The following GPR55 variants were observed in gnomAD, a reference collection of about 807,000 sequenced individuals.
The protein encoded by GPR55 is G-protein coupled receptor 55.
In GPR55, 6 loss-of-function variants were observed where a neutral mutation model predicts 7.9. The observed-to-expected ratio is 0.76, with a 90% CI of 0.41 to 1.49. The LOEUF is 1.49. Ranked by LOEUF, GPR55 falls within the 40% of genes most tolerant of loss-of-function variation. The pLI is 0.01. For synonymous variants in GPR55, 183 were observed against 166.8 expected (o/e 1.10, Z -0.75); for missense variants, 376 against 406.0 (o/e 0.93, Z 0.63).
Position 230,909,265 on chromosome 2 carries a change from T to A in GPR55, c.*738A>T, listed in dbSNP as rs1245684786. The A allele has an allele frequency of 2.0e-5, 3 of 152,528 alleles. No individual in the cohort carries two copies. Among genetic ancestry groups the A allele is most frequent in the Admixed American group, 2.0e-4 (3 of 15,270 alleles). The allele number at this position is 152,528 out of a possible 1,614,324, so 9.4% of individuals were successfully genotyped here. ...CCAGCCCTGGGCCTGTCTTCTTCCT[T>A]CCCCAGAAGTGTCCTTTCCTCTCCC... is the stretch of plus-strand genomic sequence containing the variant. On this transcript the variant is annotated 3_prime_UTR_variant, in exon 2 of 2. Coordinates refer to ENST00000650999, the MANE Select transcript of GPR55 (RefSeq NM_005683.4).
chr2:230,929,119 CT>C (rs1282251240), upstream of GPR55, among the ~76,000 whole-genome samples: 1 of 152,178 alleles, frequency 6.6e-6, no homozygotes, highest in African/African-American at 2.4e-5. Context: ...TCCCAAAGTG[CT>C]GGGATTACTG....
chr2:230,942,223 C>T (rs1328400773), intron 1 of GPR55, among the ~76,000 whole-genome samples: 4 of 152,222 alleles, frequency 2.6e-5, no homozygotes, highest in Admixed American at 6.5e-5. Context: ...GGGCAGACCC[C>T]TGAGAATGCC....
intron 1 of GPR55, among the ~76,000 whole-genome samples, chr2:230,941,618 G>A (rs1014099964): frequency 1.3e-5 from 2 of 152,148 alleles, no homozygotes; most frequent in Non-Finnish European, 2.9e-5. Flanking sequence ...GTGGCTGGAG[G>A]AAGCTCAGGG....
chr2:230,928,069 G>A (rs886183075), upstream of GPR55, among the ~76,000 whole-genome samples: 1 of 152,216 alleles, frequency 6.6e-6, no homozygotes, highest in Admixed American at 6.5e-5. Flanking sequence ...GGCAGGAGGG[G>A]CACGGGGTTG....
intron 1 of GPR55, among the ~76,000 whole-genome samples, chr2:230,936,664 G>A (rs1337359559): frequency 6.6e-6 from 1 of 152,226 alleles, no homozygotes; most frequent in African/African-American, 2.4e-5. Flanking sequence ...CTGCCTGCAG[G>A]AGTGGCTCAA....
At chr2:230,928,263 C>A (rs115267017), upstream of GPR55, among the ~76,000 whole-genome samples, 131 of 152,208 alleles carry the variant, frequency 8.6e-4, no homozygotes, top group Non-Finnish European at 1.6e-3. Flanking sequence ...GATGAGGGCA[C>A]CAGCAGCAAC....
intron 1 of GPR55, among the ~76,000 whole-genome samples, chr2:230,919,194 A>G (rs1205859129): frequency 1.3e-5 from 2 of 152,172 alleles, no homozygotes; most frequent in Non-Finnish European, 2.9e-5. Context: ...AATCATAGAA[A>G]AACTAGATGA....
Position 230,908,849 on chromosome 2 carries a change from TAC to T in GPR55, c.*1152_*1153del, listed in dbSNP as rs1559167798. 1.3e-5 allele frequency: 2 copies of T among 152,290 alleles called. No homozygotes were observed. Among genetic ancestry groups the T allele is most frequent in the Admixed American group, 6.5e-5 (1 of 15,284 alleles). 9.4% of individuals were successfully genotyped at this position (152,290 alleles called of 1,614,324 possible). A position where few individuals can be genotyped will look rare whatever the true frequency, so the allele number is the denominator to read the frequency against. On this transcript the variant is annotated 3_prime_UTR_variant, in exon 2 of 2. Coordinates refer to ENST00000650999, the MANE Select transcript of GPR55 (RefSeq NM_005683.4). ...GCCATCCAGGCGTGACTCAATTGTT[TAC>T]AGTTTCCTGGGACCAGCAGGGACCC...
intron 1 of GPR55, among the ~76,000 whole-genome samples, chr2:230,959,176 T>A (rs1396393704): frequency 6.6e-6 from 1 of 152,236 alleles, no homozygotes; most frequent in Non-Finnish European, 1.5e-5. Context: ...GCCAGGCACC[T>A]AGCTCACGCC....
intron 1 of GPR55, among the ~76,000 whole-genome samples, chr2:230,938,492 T>A (rs1422400240): frequency 6.6e-6 from 1 of 152,122 alleles, no homozygotes; most frequent in Non-Finnish European, 1.5e-5. Flanking sequence ...TTTTAACAAA[T>A]ATTTTATATT....
intron 1 of GPR55, among the ~76,000 whole-genome samples, chr2:230,919,108 A>C (rs1690778693): frequency 6.6e-6 from 1 of 152,170 alleles, no homozygotes; most frequent in Non-Finnish European, 1.5e-5. Context: ...AGTAAAAACC[A>C]ACTTAGAGTC....
intron 1 of GPR55, among the ~76,000 whole-genome samples, chr2:230,950,104 G>A (rs1349580265): frequency 6.6e-6 from 1 of 152,260 alleles, no homozygotes; most frequent in African/African-American, 2.4e-5. Flanking sequence ...TGGGATTACA[G>A]GCGTGAGCCA....
intron 1 of GPR55, among the ~76,000 whole-genome samples, chr2:230,932,226 C>A (rs1691060572): frequency 6.6e-6 from 1 of 152,224 alleles, no homozygotes. Context: ...CAGGTGGTTG[C>A]AGCTGTTTGT....
chr2:230,940,918 A>AC (rs1267331422), intron 1 of GPR55, among the ~76,000 whole-genome samples: 2 of 152,102 alleles, frequency 1.3e-5, no homozygotes, highest in Non-Finnish European at 2.9e-5. Context: ...GGAGTTCTAG[A>AC]CCAGCCTGGG....
Position 230,923,648 on chromosome 2 carries a change from G to T in GPR55, c.-135+1520C>A, listed in dbSNP as rs774531891. On this transcript the variant is annotated intron_variant, in intron 1 of 1. Transcript: ENST00000650999. The surrounding 1 kb of genome is among the most constrained non-coding windows in gnomAD (Gnocchi z 4.1). ...AGAGGGGAGGGGCCGGCTTGGGGAC[G>T]TGAAAGGTGGCCAGCAGTGTGCTCA... 6.6e-6 allele frequency among the ~76,000 whole-genome samples: 1 copy of T among 152,096 alleles called. No individual in the cohort carries two copies. Among genetic ancestry groups the T allele is most frequent in the African/African-American group, 2.4e-5 (1 of 41,416 alleles).
At chr2:230,911,136 C>G in intron 1 of GPR55, 40 bp from the exon 2 acceptor site, 2 of 631,688 alleles carry the variant, frequency 3.2e-6, no homozygotes, top group Non-Finnish European at 2.8e-6. Flanking sequence ...AATCCTGCTG[C>G]CCAGATGCAA....
chr2:230,955,010 G>A (rs1691458609), intron 1 of GPR55, among the ~76,000 whole-genome samples: 1 of 152,172 alleles, frequency 6.6e-6, no homozygotes, highest in Non-Finnish European at 1.5e-5. Context: ...AAACTAACAT[G>A]TCATCCCTTG....
At chr2:230,933,367 G>A (rs1280400749) in intron 1 of GPR55, among the ~76,000 whole-genome samples, 1 of 152,132 alleles carries the variant, frequency 6.6e-6, no homozygotes, top group Non-Finnish European at 1.5e-5. Flanking sequence ...GGCCCTTCCT[G>A]CAAACCGTCT....
chr2:230,926,682 CTTTTTTTTT>C (rs56318183), upstream of GPR55, among the ~76,000 whole-genome samples: 3 of 100,942 alleles, frequency 3.0e-5, no homozygotes, highest in Admixed American at 1.0e-4. Flanking sequence ...TGGCTACCTT[CTTTTTTTTT>C]TTTTTTTTTT....
Sources: allele counts gnomAD v4.1 joint callset (sites outside exome capture counted in the v4.1 genomes callset), GRCh38; gene constraint gnomAD v4.1.1; non-coding constraint Gnocchi (gnomAD v3.1); transcripts MANE v1.5; gene names NCBI Gene and HGNC (gene_info 2026-07-23, HGNC 2026-07-21).